SLC22A23: variants seen among roughly 807,000 people sequenced by gnomAD.
SLC22A23 encodes ion transporter protein.
A neutral mutation model predicts 61.0 loss-of-function variants in SLC22A23; 26 were observed. The ratio of observed to expected loss-of-function variants is 0.43; its 90% confidence interval spans 0.31 to 0.59. The LOEUF (loss-of-function observed/expected upper bound fraction) is 0.59, where lower values mean the gene tolerates loss of function less well. Ranked by LOEUF, SLC22A23 falls within the 20% of genes least tolerant of loss-of-function variation. SLC22A23 has a pLI of 0.11. For synonymous variants in SLC22A23, 430 were observed against 413.9 expected (o/e 1.04, Z -0.47); for missense variants, 796 against 934.7 (o/e 0.85, Z 1.94).
intron 1 of SLC22A23, among the ~76,000 whole-genome samples, chr6:3,442,267 A>G (rs574951015): frequency 2.0e-5 from 3 of 152,176 alleles, no homozygotes; most frequent in Non-Finnish European, 4.4e-5. Flanking sequence ...GAGGAGGGGA[A>G]TGGGGAGCTG....
chr6:3,376,230 G>A (rs1236835125), intron 3 of SLC22A23, among the ~76,000 whole-genome samples: 1 of 152,194 alleles, frequency 6.6e-6, no homozygotes, highest in African/African-American at 2.4e-5. Context: ...TGGACACCCA[G>A]CTGCCTCCTC....
At chr6:3,433,880 C>T (rs987087460) in intron 1 of SLC22A23, among the ~76,000 whole-genome samples, 10 of 152,162 alleles carry the variant, frequency 6.6e-5, no homozygotes, top group African/African-American at 2.2e-4. Flanking sequence ...AAGGGGTGGG[C>T]TGACTGGAGA....
intron 3 of SLC22A23, among the ~76,000 whole-genome samples, chr6:3,336,733 G>A (rs1763879946): frequency 6.6e-6 from 1 of 151,646 alleles, no homozygotes; most frequent in Non-Finnish European, 1.5e-5. Context: ...CAACTTCCAT[G>A]TGGAAATTTA....
At chr6:3,285,301 C>A (rs546122157) in intron 7 of SLC22A23, among the ~76,000 whole-genome samples, 190 bp from the exon 8 acceptor site, 1 of 152,258 alleles carries the variant, frequency 6.6e-6, no homozygotes. Flanking sequence ...AAACAAAGAT[C>A]TTTTTGTTAG....
chr6:3,348,984 C>T (rs539582565), intron 3 of SLC22A23, among the ~76,000 whole-genome samples: 3 of 152,236 alleles, frequency 2.0e-5, no homozygotes, highest in African/African-American at 4.8e-5. Context: ...TCTTTCATAA[C>T]CCCTTCAGAA....
At chr6:3,432,208 C>T (rs73720897) in intron 1 of SLC22A23, 24 of 985,308 alleles carry the variant, frequency 2.4e-5, no homozygotes, top group African/African-American at 7.0e-5. Flanking sequence ...TCCTTGCCCA[C>T]GCCTCTGCTC....
chr6:3,433,457 C>A (rs1394082803), intron 1 of SLC22A23, among the ~76,000 whole-genome samples: 2 of 144,012 alleles, frequency 1.4e-5, no homozygotes, highest in Non-Finnish European at 3.1e-5. Flanking sequence ...GCTTCCTACC[C>A]CAAAAATTTT....
At chr6:3,336,714 A>C (rs1360465847) in intron 3 of SLC22A23, among the ~76,000 whole-genome samples, 1 of 151,424 alleles carries the variant, frequency 6.6e-6, no homozygotes, top group Non-Finnish European at 1.5e-5. Flanking sequence ...AGACCACAGA[A>C]ATCAGGCACA....
chr6:3,364,453 A>T (rs1043728485), intron 3 of SLC22A23, among the ~76,000 whole-genome samples: 9 of 150,278 alleles, frequency 6.0e-5, no homozygotes, highest in Non-Finnish European at 1.0e-4. Flanking sequence ...TTCCCTCCTT[A>T]AAAAAAAATT....
chr6:3,342,813 A>G lies in SLC22A23; in HGVS notation c.914-18811T>C, dbSNP rs190034404. 6.6e-6 allele frequency among the ~76,000 whole-genome samples: 1 copy of G among 152,306 alleles called. No individual in the cohort carries two copies. The highest frequency in any genetic ancestry group is 2.4e-5 in the African/African-American group (1 of 41,562). On this transcript the variant is annotated intron_variant, in intron 3 of 9. Transcript: ENST00000406686. The surrounding 1 kb of genome is among the most constrained non-coding windows in gnomAD (Gnocchi z 4.0). ...TTAAACTGACAAAAGACAGGCTGGC[A>G]AGAGGAAAGACAAAGTTTAATCACA...
At position 3,342,086 on chromosome 6, in the gene SLC22A23, A is replaced by T. The variant is rs1245217908; in HGVS notation, c.914-18084T>A. On this transcript the variant is annotated intron_variant, in intron 3 of 9. Coordinates refer to ENST00000406686, the MANE Select transcript of SLC22A23 (RefSeq NM_015482.2). The surrounding 1 kb of genome is among the most constrained non-coding windows in gnomAD (Gnocchi z 4.0). Reference sequence around the variant, plus strand: ...AGATTTCTTCTTAATGAAAGCTGCTAGTTTAGGTTCAGCAGCTCCTAAACT... The same window carrying T: ...AGATTTCTTCTTAATGAAAGCTGCTTGTTTAGGTTCAGCAGCTCCTAAACT... 1.3e-5 allele frequency among the ~76,000 whole-genome samples: 2 copies of T among 152,198 alleles called. No homozygotes were observed. The highest frequency in any genetic ancestry group is 2.9e-5 in the Non-Finnish European group (2 of 68,030).
Position 3,328,895 on chromosome 6 carries a change from C to CT in SLC22A23, c.914-4894_914-4893insA, listed in dbSNP as rs70998393. ...TGAAGCCCATCTCCGAAGCTGCACC[C>CT]CCTCCCTCCCCTTCTTACTCCCCAC... is the stretch of plus-strand genomic sequence containing the variant. On this transcript the variant is annotated intron_variant, in intron 3 of 9. Coordinates refer to ENST00000406686, the MANE Select transcript of SLC22A23 (RefSeq NM_015482.2). This position sits in a 1 kb window ranked among gnomAD's most constrained non-coding sequence, Gnocchi z 5.0. 5.3e-3 allele frequency among the ~76,000 whole-genome samples: 810 copies of CT among 152,132 alleles called. 3 individuals carry two copies. The highest frequency in any genetic ancestry group is 0.016 in the African/African-American group (672 of 41,484).
Position 3,283,863 on chromosome 6 carries a change from C to T in SLC22A23, c.1692G>A (p.Pro564=), listed in dbSNP as rs142838841. 3.7e-3 allele frequency: 5,954 copies of T among 1,613,794 alleles called. 52 individuals carry two copies. Among genetic ancestry groups the T allele is most frequent in the Non-Finnish European group, 2.7e-3 (3,185 of 1,179,904 alleles). ...LSVFFCAEIT[P]TVIRCGGLGL... ...CTCCCATGACGCACCTTATCACCGT[C>T]GGGGTGATCTCCGCACAGAAGAACA... Residue 564 remains proline, a synonymous_variant, in exon 9 of 10, where the codon CCG becomes CCA. Transcript: ENST00000406686.
Position 3,456,342 on chromosome 6 carries a change from G to A in SLC22A23, c.218C>T (p.Pro73Leu). ...GTCATAGTCCAGCAACAAGAGGCTCGGGGCCGCAGCCGCGGAGCAGCAGCT... is the reference window on the plus strand; with the variant it reads ...GTCATAGTCCAGCAACAAGAGGCTCAGGGCCGCAGCCGCGGAGCAGCAGCT... ...HPSCCSAAAA[P>L]SLLLLDYDGS... Residue 73 changes from proline to leucine, a missense_variant, in exon 1 of 10, where the codon CCG becomes CTG. Coordinates refer to ENST00000406686, the MANE Select transcript of SLC22A23 (RefSeq NM_015482.2). The surrounding 1 kb of genome is among the most constrained non-coding windows in gnomAD (Gnocchi z 7.1). 2 of 1,548,858 alleles carry A rather than the reference G, an allele frequency of 1.3e-6. No homozygotes were observed. The highest frequency in any genetic ancestry group is 1.7e-6 in the Non-Finnish European group (2 of 1,146,256).
intron 3 of SLC22A23, among the ~76,000 whole-genome samples, chr6:3,364,684 G>T (rs11242848): frequency 0.35 from 52,521 of 151,892 alleles, 9,123 homozygotes; most frequent in Middle Eastern, 0.41. Context: ...TTCGCTCCCA[G>T]CTGAGGCAGC....
At chr6:3,345,437 C>T (rs1764378920) in intron 3 of SLC22A23, among the ~76,000 whole-genome samples, 2 of 144,730 alleles carry the variant, frequency 1.4e-5, no homozygotes, top group African/African-American at 5.2e-5. Flanking sequence ...CGAACTGTGG[C>T]TCACTGCAGC....
chr6:3,338,515 G>A (rs1476732652), intron 3 of SLC22A23, among the ~76,000 whole-genome samples: 1 of 152,234 alleles, frequency 6.6e-6, no homozygotes, highest in Non-Finnish European at 1.5e-5. Context: ...TTAGGAGACA[G>A]GGTTTCACCA....
chr6:3,403,027 T>C (rs899670565), intron 3 of SLC22A23, among the ~76,000 whole-genome samples: 3 of 152,194 alleles, frequency 2.0e-5, no homozygotes, highest in Non-Finnish European at 4.4e-5. Flanking sequence ...ACAACAAACT[T>C]TCATGGCTCT....
chr6:3,417,827 G>GGCTGCT (rs1170667688), intron 1 of SLC22A23, among the ~76,000 whole-genome samples: 6 of 152,356 alleles, frequency 3.9e-5, no homozygotes, highest in Admixed American at 2.6e-4. Context: ...AAAGACTACT[G>GGCTGCT]GCTGCTGCTG....
Sources: gnomAD v4.1 joint callset for allele counts (sites outside exome capture counted in the v4.1 genomes callset) on GRCh38, gnomAD v4.1.1 for gene constraint, Gnocchi (gnomAD v3.1) non-coding constraint, MANE v1.5 for transcripts, NCBI Gene and HGNC (gene_info 2026-07-23, HGNC 2026-07-21) for gene names.